ATF7IP2: variants seen among roughly 807,000 people sequenced by gnomAD.
ATF7IP2 encodes activating transcription factor 7-interacting protein 2.
A neutral mutation model predicts 64.2 loss-of-function variants in ATF7IP2; 42 were observed. The ratio of observed to expected loss-of-function variants is 0.65; its 90% CI spans 0.51 to 0.85. ATF7IP2 has a LOEUF of 0.85. Ranked by LOEUF, ATF7IP2 falls within the 40% of genes least tolerant of loss-of-function variation. ATF7IP2 has a pLI of 0.00. For synonymous variants in ATF7IP2, 308 were observed against 272.8 expected (o/e 1.13, Z -1.27); for missense variants, 933 against 784.2 (o/e 1.19, Z -2.27).
intron 7 of ATF7IP2, among the ~76,000 whole-genome samples, chr16:10,439,169 C>G (rs1423978808): frequency 6.6e-6 from 1 of 151,690 alleles, no homozygotes; most frequent in East Asian, 1.9e-4. Flanking sequence ...GTATTACTTG[C>G]TGATTGATGT....
At chr16:10,416,553 G>A (rs906126736) in intron 2 of ATF7IP2, among the ~76,000 whole-genome samples, 1 of 152,158 alleles carries the variant, frequency 6.6e-6, no homozygotes, top group African/African-American at 2.4e-5. Context: ...AGCACTTTGG[G>A]AGGCCGAGGC....
At chr16:10,389,813 C>T (rs569946262) in intron 1 of ATF7IP2, among the ~76,000 whole-genome samples, 1 of 152,142 alleles carries the variant, frequency 6.6e-6, no homozygotes, top group Non-Finnish European at 1.5e-5. Flanking sequence ...TCAGGTGATG[C>T]GGATGCTGCT....
At chr16:10,469,466 A>T (rs2049706091) in intron 9 of ATF7IP2, among the ~76,000 whole-genome samples, 1 of 152,134 alleles carries the variant, frequency 6.6e-6, no homozygotes, top group African/African-American at 2.4e-5. Context: ...ATTCAAGCAG[A>T]AGAAACATGA....
intron 12 of ATF7IP2, among the ~76,000 whole-genome samples, chr16:10,478,190 C>T (rs1378871980): frequency 7.9e-4 from 117 of 148,560 alleles, no homozygotes; most frequent in African/African-American, 2.2e-3. Flanking sequence ...GAGCCCGCAT[C>T]GCCAAGTCAA....
chr16:10,457,771 G>A (rs2049231445), intron 9 of ATF7IP2, among the ~76,000 whole-genome samples: 1 of 152,064 alleles, frequency 6.6e-6, no homozygotes. Flanking sequence ...TAGTGGTACA[G>A]TCACGGCTCA....
At position 10,481,923 on chromosome 16, in the gene ATF7IP2, C is replaced by G. The variant is rs1207999818; in HGVS notation, c.1723C>G (p.Pro575Ala). Residue 575 changes from proline (P) to alanine (A), a missense_variant, in exon 14 of 14, where the codon CCT becomes GCT. Transcript: ENST00000562102. ...AGTAGACAAAACCCGAGACACACTT[C>G]CTCCCCAGAAGCCTGAGCTCAAAGT... ...ELVDKTRDTL[P>A]PQKPELKVKR... is the part of the protein sequence containing the mutation. 2 of 1,613,974 alleles carry G rather than the reference C, an allele frequency of 1.2e-6. No homozygotes were observed. The highest frequency in any genetic ancestry group is 2.7e-5 in the African/African-American group (2 of 74,924).
chr16:10,394,568 A>G (rs2047387903), intron 1 of ATF7IP2, among the ~76,000 whole-genome samples: 1 of 152,240 alleles, frequency 6.6e-6, no homozygotes, highest in Non-Finnish European at 1.5e-5. Flanking sequence ...CAACAGCAGA[A>G]TAGACTTTTG....
intron 9 of ATF7IP2, among the ~76,000 whole-genome samples, chr16:10,470,161 A>G (rs2049738392): frequency 6.6e-6 from 1 of 152,194 alleles, no homozygotes. Context: ...GTGTATACAC[A>G]CAACACACTC....
intron 8 of ATF7IP2, chr16:10,449,099 GTGA>G (rs1256558196): frequency 6.6e-6 from 1 of 152,108 alleles, no homozygotes; most frequent in Non-Finnish European, 1.5e-5. Context: ...TTCTGTTTAT[GTGA>G]TGGATTAAGT....
At chr16:10,453,022 C>T (rs899459126) in intron 8 of ATF7IP2, among the ~76,000 whole-genome samples, 5 of 152,126 alleles carry the variant, frequency 3.3e-5, no homozygotes, top group African/African-American at 7.2e-5. Flanking sequence ...AGCTGGGCTC[C>T]GTGTGGGTGG....
intron 2 of ATF7IP2, among the ~76,000 whole-genome samples, chr16:10,417,305 C>G (rs1030885545): frequency 1.2e-4 from 18 of 152,022 alleles, no homozygotes; most frequent in African/African-American, 4.1e-4. Context: ...TTTCAAAACC[C>G]ATCAACCACG....
chr16:10,449,135 C>T (rs1235019918), intron 8 of ATF7IP2: 1 of 152,150 alleles, frequency 6.6e-6, no homozygotes, highest in Non-Finnish European at 1.5e-5. Context: ...GTATGTTGAA[C>T]CAGCCCTGCA....
intron 5 of ATF7IP2, among the ~76,000 whole-genome samples, chr16:10,431,737 C>G (rs2096080663): frequency 6.6e-6 from 1 of 151,106 alleles, no homozygotes; most frequent in Non-Finnish European, 1.5e-5. Flanking sequence ...TCATATACAT[C>G]TCTTCTTATT....
At chr16:10,481,037 G>A in intron 13 of ATF7IP2, 73 bp downstream of exon 13, 2 of 1,120,420 alleles carry the variant, frequency 1.8e-6, no homozygotes, top group Non-Finnish European at 2.7e-6. Context: ...TACTCTTGAA[G>A]AAACATTTGG....
intron 1 of ATF7IP2, among the ~76,000 whole-genome samples, chr16:10,392,385 T>A (rs1379526658): frequency 6.6e-6 from 1 of 151,566 alleles, no homozygotes; most frequent in African/African-American, 2.4e-5. Flanking sequence ...AAGATGGTTT[T>A]GAACTCCTGG....
intron 8 of ATF7IP2, among the ~76,000 whole-genome samples, chr16:10,445,153 A>G (rs889810478): frequency 9.2e-5 from 14 of 152,222 alleles, no homozygotes; most frequent in Admixed American, 2.6e-4. Context: ...TGAGAACTGC[A>G]TCACACATAG....
intron 9 of ATF7IP2, among the ~76,000 whole-genome samples, chr16:10,457,775 C>T (rs982858563): frequency 1.3e-5 from 2 of 152,082 alleles, no homozygotes; most frequent in Admixed American, 1.3e-4. Context: ...GGTACAGTCA[C>T]GGCTCACTGC....
chr16:10,464,294 A>C (rs1243212883), intron 9 of ATF7IP2, among the ~76,000 whole-genome samples: 1 of 152,162 alleles, frequency 6.6e-6, no homozygotes, highest in Non-Finnish European at 1.5e-5. Context: ...ACCCTTACAA[A>C]GGAAAAAAGA....
chr16:10,427,045 G>A (rs558604547), intron 3 of ATF7IP2, among the ~76,000 whole-genome samples: 1 of 152,044 alleles, frequency 6.6e-6, no homozygotes, highest in African/African-American at 2.4e-5. Flanking sequence ...GTACAGACAG[G>A]GTTTCACCCT....
Sources: gnomAD v4.1 joint callset for allele counts (sites outside exome capture counted in the v4.1 genomes callset) on GRCh38, gnomAD v4.1.1 for gene constraint, MANE v1.5 for transcripts, NCBI Gene and HGNC (gene_info 2026-07-23, HGNC 2026-07-21) for gene names.